NPAS3: variants seen among roughly 807,000 people sequenced by gnomAD.
NPAS3 encodes neuronal PAS domain-containing protein 3.
A neutral mutation model predicts 73.1 loss-of-function variants in NPAS3; 14 were observed. That is an observed-to-expected ratio of 0.19 (90% CI 0.13 to 0.30). The LOEUF is 0.30. NPAS3 is among the 10% of genes least tolerant of loss of function. The pLI is 1.00. For synonymous variants in NPAS3, 620 were observed against 541.5 expected, an observed-to-expected ratio of 1.14 and a Z score of -2.01; for missense variants, 1,096 against 1,250.0, an observed-to-expected ratio of 0.88 and a Z score of 1.86.
At chr14:33,543,428 T>C (rs2054611734) in intron 4 of NPAS3, among the ~76,000 whole-genome samples, 1 of 152,218 alleles carries the variant, frequency 6.6e-6, no homozygotes, top group South Asian at 2.1e-4. Flanking sequence ...AGATTTTATA[T>C]CAGTCCATTA....
intron 3 of NPAS3, among the ~76,000 whole-genome samples, chr14:33,241,017 A>T (rs904803226): frequency 3.0e-4 from 46 of 152,064 alleles, no homozygotes; most frequent in African/African-American, 1.1e-3. Flanking sequence ...ACCTCAGCAG[A>T]ATTCCCTTGG....
intron 2 of NPAS3, among the ~76,000 whole-genome samples, chr14:33,139,270 C>T (rs745707198): frequency 2.6e-5 from 4 of 152,142 alleles, no homozygotes; most frequent in East Asian, 1.9e-4. Context: ...CCCTTTCTGC[C>T]GCCCAGCTAG....
intron 6 of NPAS3, 144 bp downstream of exon 6, chr14:33,676,529 A>C (rs2140337999): frequency 1.8e-6 from 1 of 548,324 alleles, no homozygotes; most frequent in South Asian, 4.2e-5. Context: ...TGCAGTAATT[A>C]AATAAGGAAG....
rs759470482 is a variant in NPAS3 at position 33,800,074 on chromosome 14, G to A, written c.1767G>A (p.Ala589=). Reference sequence around the variant, plus strand: ...AGGACTCGGACAGCGCAGGCGAGGCGGGCGCGCAGGCCTCCAGCAAGCACC... The same window carrying A: ...AGGACTCGGACAGCGCAGGCGAGGCAGGCGCGCAGGCCTCCAGCAAGCACC... Residue 589 remains alanine (A), a synonymous_variant, in exon 12 of 12, where the codon GCG becomes GCA. Transcript: ENST00000356141. The surrounding 1 kb of genome is among the most constrained non-coding windows in gnomAD (Gnocchi z 6.5). 14 of 1,598,348 alleles carry A rather than the reference G, an allele frequency of 8.8e-6. No individual in the cohort carries two copies. Among genetic ancestry groups the A allele is most frequent in the Middle Eastern group, 1.7e-4 (1 of 6,052 alleles).
downstream of NPAS3, chr14:33,802,397 AAAAAAGAAAAAG>A (rs1261930639): frequency 6.6e-6 from 1 of 151,652 alleles, no homozygotes; most frequent in East Asian, 1.9e-4. Context: ...AAAAAGAAAA[AAAAAAGAAAAAG>A]AAAAAGAAAA....
intron 6 of NPAS3, among the ~76,000 whole-genome samples, chr14:33,696,450 A>G (rs920805007): frequency 6.6e-6 from 1 of 152,220 alleles, no homozygotes; most frequent in Non-Finnish European, 1.5e-5. Flanking sequence ...AATAAACACG[A>G]GAGTGCTTCA....
chr14:32,944,457 G>A (rs1401574140), intron 1 of NPAS3, among the ~76,000 whole-genome samples: 1 of 152,130 alleles, frequency 6.6e-6, no homozygotes, highest in Non-Finnish European at 1.5e-5. Context: ...AATGGAATAT[G>A]TGAAACTTTA....
At chr14:33,017,958 GT>G (rs748307555) in intron 1 of NPAS3, among the ~76,000 whole-genome samples, 1 of 152,060 alleles carries the variant, frequency 6.6e-6, no homozygotes, top group Non-Finnish European at 1.5e-5. Context: ...TGATCTAAAT[GT>G]TTTAGTTGAC....
chr14:33,687,148 G>A (rs150389000), intron 6 of NPAS3, among the ~76,000 whole-genome samples: 6 of 152,258 alleles, frequency 3.9e-5, no homozygotes, highest in East Asian at 1.9e-4. Flanking sequence ...AATTATTAAC[G>A]CTCTAGAAAC....
chr14:33,631,604 G>A (rs1331777753), intron 5 of NPAS3, among the ~76,000 whole-genome samples: 1 of 152,240 alleles, frequency 6.6e-6, no homozygotes, highest in Non-Finnish European at 1.5e-5. Flanking sequence ...CCAGCTCGAA[G>A]TGGGAGCTAA....
rs377092024 is a variant in NPAS3, at chr14:33,075,190, G to A, written c.140+19196G>A. ...GAGGTTCACACTTACTATACTTATT[G>A]TTACAAATAATGTTTGATTTCTTAA... On this transcript the variant is annotated intron_variant, in intron 2 of 11. Transcript: ENST00000356141. Among the ~76,000 whole-genome samples, 528 of 152,202 alleles carry A rather than the reference G, an allele frequency of 3.5e-3. 3 individuals carry two copies. The highest frequency in any genetic ancestry group is 0.012 in the African/African-American group (514 of 41,534).
At chr14:33,704,769 C>T (rs1447275574) in intron 6 of NPAS3, among the ~76,000 whole-genome samples, 4 of 152,294 alleles carry the variant, frequency 2.6e-5, no homozygotes, top group East Asian at 1.9e-4. Flanking sequence ...AGCGGCTTGA[C>T]GTGCACCAAG....
At chr14:33,490,738 A>C (rs2139809802) in intron 4 of NPAS3, among the ~76,000 whole-genome samples, 1 of 152,294 alleles carries the variant, frequency 6.6e-6, no homozygotes, top group South Asian at 2.1e-4. Flanking sequence ...CTGTGCTGGA[A>C]CAAATCAAGT....
chr14:33,640,940 G>A (rs2058659959), intron 5 of NPAS3, among the ~76,000 whole-genome samples: 1 of 152,188 alleles, frequency 6.6e-6, no homozygotes. Flanking sequence ...TAATAAATAT[G>A]TATGTGCAGA....
chr14:33,712,169 G>A (rs2060836768), intron 6 of NPAS3, among the ~76,000 whole-genome samples: 1 of 152,142 alleles, frequency 6.6e-6, no homozygotes, highest in South Asian at 2.1e-4. Flanking sequence ...AATCAGAAGA[G>A]GGGCAGTGAT....
intron 5 of NPAS3, among the ~76,000 whole-genome samples, chr14:33,609,501 C>T (rs145351129): frequency 7.3e-4 from 111 of 151,158 alleles, no homozygotes; most frequent in African/African-American, 2.5e-3. Context: ...AGGTTCCTGT[C>T]TTAATTCATA....
chr14:33,427,962 G>T (rs559082152), intron 4 of NPAS3, among the ~76,000 whole-genome samples: 12 of 152,214 alleles, frequency 7.9e-5, no homozygotes, highest in African/African-American at 2.9e-4. Context: ...TATAAACATA[G>T]ATATTAGAAT....
At position 33,735,351 on chromosome 14, in the gene NPAS3, G is replaced by A. The variant is rs780033019; in HGVS notation, c.852+19G>A. 2.6e-6 allele frequency: 4 copies of A among 1,545,910 alleles called. No homozygotes were observed. In the South Asian group the frequency reaches 3.3e-5, roughly 13 times the overall value. ...ATATAAGGTAAGCCGGTTCCGGGAG[G>A]GGAGACATTGCTGTCTCAGGCCAGT... On this transcript the variant is annotated intron_variant, in intron 7 of 11. Coordinates refer to ENST00000356141, the Ensembl canonical transcript of NPAS3.
intron 3 of NPAS3, among the ~76,000 whole-genome samples, chr14:33,242,914 T>C (rs2048257018): frequency 6.6e-6 from 1 of 152,158 alleles, no homozygotes; most frequent in Non-Finnish European, 1.5e-5. Context: ...TAAAAAATGT[T>C]AAAAACGAGT....
Sources: gnomAD v4.1 joint callset for allele counts (sites outside exome capture counted in the v4.1 genomes callset) on GRCh38, gnomAD v4.1.1 for gene constraint, Gnocchi (gnomAD v3.1) non-coding constraint, MANE v1.5 for transcripts, NCBI Gene and HGNC (gene_info 2026-07-23, HGNC 2026-07-21) for gene names.